Variants in KCNH5 observed in about 807,000 individuals in gnomAD.
The protein encoded by KCNH5 is potassium voltage-gated channel subfamily H member 5.
In KCNH5, 46 loss-of-function variants were observed where a neutral mutation model predicts 96.1. The observed-to-expected ratio is 0.48, with a 90% confidence interval of 0.38 to 0.61. KCNH5 has a LOEUF of 0.61. KCNH5 is among the 20% of genes least tolerant of loss of function. The pLI, the probability that KCNH5 is intolerant of heterozygous loss-of-function variation, is 0.00. For synonymous variants in KCNH5, 439 were observed against 449.8 expected, an observed-to-expected ratio of 0.98 and a Z score of 0.30; for missense variants, 907 against 1,225.8, an observed-to-expected ratio of 0.74 and a Z score of 3.88.
intron 6 of KCNH5, 102 bp downstream of exon 6, chr14:62,980,770 G>A: frequency 8.2e-7 from 1 of 1,223,790 alleles, no homozygotes; most frequent in East Asian, 2.5e-5. Context: ...AGTTGAAAGT[G>A]GTGGCTAAAA....
intron 7 of KCNH5, among the ~76,000 whole-genome samples, chr14:62,878,193 T>G (rs1459717221): frequency 9.1e-5 from 5 of 55,144 alleles, no homozygotes; most frequent in Admixed American, 2.4e-4. Flanking sequence ...TGGGGACTGT[T>G]GTGGGGATGG....
intron 6 of KCNH5, among the ~76,000 whole-genome samples, chr14:62,960,280 A>C (rs1890181984): frequency 6.6e-6 from 1 of 152,130 alleles, no homozygotes; most frequent in Non-Finnish European, 1.5e-5. Flanking sequence ...TTCATTATAT[A>C]ATCTCAAAGG....
chr14:62,937,578 T>A (rs967715884), intron 7 of KCNH5, among the ~76,000 whole-genome samples: 3 of 152,148 alleles, frequency 2.0e-5, no homozygotes, highest in Admixed American at 1.3e-4. Flanking sequence ...AGGAAGGCCA[T>A]CTGCTGCAAT....
In KCNH5 at chr14:62,699,849, C is replaced by G. The variant is rs181255993; in HGVS notation, c.*7659G>C. The G allele has an allele frequency of 6.6e-6, 1 of 152,124 alleles. No homozygotes were observed. The highest frequency in any genetic ancestry group is 1.5e-5 in the Non-Finnish European group (1 of 68,000). The allele number at this position is 152,124 out of a possible 1,614,324, so 9.4% of individuals were successfully genotyped here. ...TCTTTGTTTAAGTAGAAAAAAGGAT[C>G]TGCTTAGCATGAATCAGATTTTGAA... On this transcript the variant is annotated 3_prime_UTR_variant, in exon 11 of 11. Coordinates refer to ENST00000322893, the MANE Select transcript of KCNH5 (RefSeq NM_139318.5).
intron 8 of KCNH5, among the ~76,000 whole-genome samples, chr14:62,814,682 C>T (rs929649180): frequency 1.4e-5 from 2 of 142,594 alleles, no homozygotes; most frequent in Non-Finnish European, 3.0e-5. Flanking sequence ...ACCCGGGAGG[C>T]TGAAGCAGGA....
intron 7 of KCNH5, among the ~76,000 whole-genome samples, chr14:62,923,831 A>C (rs2355748): frequency 6.6e-6 from 1 of 152,020 alleles, no homozygotes; most frequent in African/African-American, 2.4e-5. Flanking sequence ...AAATGGATTA[A>C]ATACTTGAAC....
chr14:62,760,378 G>A (rs192416678), intron 10 of KCNH5, among the ~76,000 whole-genome samples: 24 of 152,292 alleles, frequency 1.6e-4, no homozygotes, highest in Non-Finnish European at 2.8e-4. Context: ...GTTAAAAAAG[G>A]AAGCAAATTC....
In KCNH5 at chr14:63,045,273, G is replaced by C. The variant is rs1425001054; in HGVS notation, c.-87C>G. The C allele has an allele frequency of 7.3e-6, 8 of 1,089,792 alleles. No homozygotes were observed. The highest frequency in any genetic ancestry group is 1.1e-5 in the Non-Finnish European group (8 of 719,524). The allele number at this position is 1,089,792 out of a possible 1,614,324, so 67.5% of individuals were successfully genotyped here. A position where few individuals can be genotyped will look rare whatever the true frequency, so the allele number is the denominator to read the frequency against. On this transcript the variant is annotated 5_prime_UTR_variant, in exon 1 of 11. Transcript: ENST00000322893. ...AGGTGGAGGAAGAGGAGGAAAAGGTGGAAGAGAAGATTGAGCCGAAAGAAG... is the reference window on the plus strand; with the variant it reads ...AGGTGGAGGAAGAGGAGGAAAAGGTCGAAGAGAAGATTGAGCCGAAAGAAG...
intron 6 of KCNH5, among the ~76,000 whole-genome samples, chr14:62,976,597 G>A (rs1359719463): frequency 1.3e-5 from 2 of 152,114 alleles, no homozygotes; most frequent in African/African-American, 4.8e-5. Flanking sequence ...CAAAACTGAT[G>A]AAAATAGATC....
intron 10 of KCNH5, among the ~76,000 whole-genome samples, chr14:62,726,888 T>C (rs1229805986): frequency 6.6e-6 from 1 of 152,226 alleles, no homozygotes; most frequent in East Asian, 1.9e-4. Context: ...TACATTGAAG[T>C]GTATTCAGTT....
chr14:62,808,591 T>C (rs1281808633), intron 8 of KCNH5, among the ~76,000 whole-genome samples: 1 of 152,128 alleles, frequency 6.6e-6, no homozygotes, highest in African/African-American at 2.4e-5. Context: ...TTATTTGGTA[T>C]AAAAATCATA....
chr14:62,866,298 C>T (rs1036255793), intron 7 of KCNH5, among the ~76,000 whole-genome samples: 4 of 151,982 alleles, frequency 2.6e-5, no homozygotes, highest in African/African-American at 9.7e-5. Flanking sequence ...AAAATTATCC[C>T]CACCTTTCTA....
In KCNH5 at chr14:62,703,293, T is replaced by C. The variant is rs1884375303; in HGVS notation, c.*4215A>G. 1 of 151,874 alleles carries C rather than the reference T, an allele frequency of 6.6e-6. No individual in the cohort carries two copies. The allele number at this position is 151,874 out of a possible 1,614,324, so 9.4% of individuals were successfully genotyped here. A position where few individuals can be genotyped will look rare whatever the true frequency, so the allele number is the denominator to read the frequency against. ...TCTAAAACCTAAAAGAATATTTAGATAAAAATCACATCACCGTCAATCCCT... is the reference window on the plus strand; with the variant it reads ...TCTAAAACCTAAAAGAATATTTAGACAAAAATCACATCACCGTCAATCCCT... On this transcript the variant is annotated 3_prime_UTR_variant, in exon 11 of 11. Transcript: ENST00000322893.
chr14:62,739,687 A>G (rs1417879094), intron 10 of KCNH5, among the ~76,000 whole-genome samples: 1 of 152,162 alleles, frequency 6.6e-6, no homozygotes, highest in African/African-American at 2.4e-5. Context: ...TGTACAGACC[A>G]AAACACTTGT....
intron 1 of KCNH5, among the ~76,000 whole-genome samples, chr14:63,024,081 C>G (rs564642945): frequency 1.3e-5 from 2 of 151,918 alleles, no homozygotes; most frequent in South Asian, 4.2e-4. Flanking sequence ...TGGTGGCACA[C>G]GCCTGTAGTT....
intron 2 of KCNH5, among the ~76,000 whole-genome samples, chr14:63,016,363 C>G (rs564859906): frequency 1.1e-4 from 17 of 152,064 alleles, no homozygotes; most frequent in African/African-American, 4.1e-4. Context: ...TGTACCATTA[C>G]CAAGTACATG....
chr14:62,835,638 G>C (rs908719888), intron 8 of KCNH5, among the ~76,000 whole-genome samples: 1 of 152,014 alleles, frequency 6.6e-6, no homozygotes, highest in African/African-American at 2.4e-5. Flanking sequence ...AATATTGACG[G>C]CATAACTGAT....
chr14:62,978,566 G>A (rs1422164487), intron 6 of KCNH5, among the ~76,000 whole-genome samples: 3 of 146,248 alleles, frequency 2.1e-5, no homozygotes, highest in African/African-American at 5.0e-5. Flanking sequence ...CTGCTTGAGC[G>A]ACAGAGTGAG....
At chr14:62,799,799 TATATTTA>T (rs1250117322) in intron 9 of KCNH5, among the ~76,000 whole-genome samples, 33 of 139,034 alleles carry the variant, frequency 2.4e-4, no homozygotes, top group East Asian at 6.1e-4. Flanking sequence ...TAATATATTA[TATATTTA>T]ATATTTAATA....
Sources: allele counts gnomAD v4.1 joint callset (sites outside exome capture counted in the v4.1 genomes callset), GRCh38; gene constraint gnomAD v4.1.1; transcripts MANE v1.5; gene names NCBI Gene and HGNC (gene_info 2026-07-23, HGNC 2026-07-21).